PRELID3A: variants seen among roughly 807,000 people sequenced by gnomAD.
PRELID3A encodes PRELI domain containing 3A.
A neutral mutation model predicts 23.0 loss-of-function variants in PRELID3A; 27 were observed. The ratio of observed to expected loss-of-function variants is 1.17; its 90% CI spans 0.87 to 1.62. PRELID3A has a LOEUF of 1.62. PRELID3A is among the 40% of genes most tolerant of loss of function. The probability of loss-of-function intolerance (pLI) is 0.00; values close to 1 mark genes in which losing one functional copy is unlikely to be tolerated. For missense variants in PRELID3A, 231 were observed against 231.4 expected, an observed-to-expected ratio of 1.00 and a Z score of 0.01; for synonymous variants, 87 against 86.4, an observed-to-expected ratio of 1.01 and a Z score of -0.04.
chr18:12,414,160 G>A (rs762895072), intron 1 of PRELID3A, among the ~76,000 whole-genome samples: 4 of 151,876 alleles, frequency 2.6e-5, no homozygotes, highest in Non-Finnish European at 5.9e-5. Context: ...GACTTGGGCC[G>A]CAGCAGCAGA....
chr18:12,421,546 G>C lies in PRELID3A; in HGVS notation c.208G>C (p.Gly70Arg). The C allele has an allele frequency of 6.2e-7, 1 of 1,611,012 alleles. No individual in the cohort carries two copies. Among genetic ancestry groups the C allele is most frequent in the Non-Finnish European group, 8.5e-7 (1 of 1,177,338 alleles). Residue 70 changes from glycine to arginine, a missense_variant, in exon 3 of 7, where the codon GGA becomes CGA. Physicochemically the swap from Gly to Arg is moderately radical, Grantham distance 125. Coordinates refer to ENST00000440960, the MANE Select transcript of PRELID3A (RefSeq NM_001142405.2). ...GTTTTGCTTTGTTTTCTAGATTTTG[G>C]GAACCAGTAGGACATTGACATACAT... ...GLPSLVRAIL[G>R]TSRTLTYIRE...
At chr18:12,430,212 C>T (rs2030523456) in intron 6 of PRELID3A, among the ~76,000 whole-genome samples, 1 of 152,230 alleles carries the variant, frequency 6.6e-6, no homozygotes, top group South Asian at 2.1e-4. Context: ...TCCTTCATGG[C>T]CGCACCCTGA....
At chr18:12,427,430 C>T in intron 5 of PRELID3A, 107 bp downstream of exon 5, 2 of 893,574 alleles carry the variant, frequency 2.2e-6, no homozygotes, top group Middle Eastern at 2.6e-4. Context: ...GGCATGGTGG[C>T]TCATGTCTGT....
intron 3 of PRELID3A, among the ~76,000 whole-genome samples, chr18:12,426,536 A>G (rs2030383235): frequency 9.1e-6 from 1 of 110,158 alleles, no homozygotes; most frequent in Admixed American, 1.2e-4. Context: ...CCTGGGCTAC[A>G]CAGTGAGACT....
chr18:12,429,364 C>T lies in PRELID3A; in HGVS notation c.480C>T (p.Ile160=), dbSNP rs143717130. The change falls in exon 6 of 7, where the codon ATC becomes ATT. Residue 160 remains isoleucine, a synonymous_variant. Transcript: ENST00000440960. The stretch of plus-strand genomic sequence containing the variant: ...CTGTGTTGCAGGGGTGGGCTGCTAT[C>T]GAGTGGATAATTGAACACTCTGAAA... ...SSNAKKGWAA[I]EWIIEHSESA... is the part of the protein sequence containing the mutation. 45 of 1,613,710 alleles carry T rather than the reference C, an allele frequency of 2.8e-5. No individual in the cohort carries two copies. Among genetic ancestry groups the T allele is most frequent in the East Asian group, 2.0e-4 (9 of 44,864 alleles).
At chr18:12,414,322 G>A (rs914136327) in intron 1 of PRELID3A, among the ~76,000 whole-genome samples, 1 of 152,204 alleles carries the variant, frequency 6.6e-6, no homozygotes. Flanking sequence ...CAGCAGTGAG[G>A]ACTGCGGTGA....
chr18:12,421,509 T>C (rs1363546072), intron 2 of PRELID3A, 31 bp from the exon 3 acceptor site: 3 of 1,357,924 alleles, frequency 2.2e-6, no homozygotes, highest in Non-Finnish European at 3.2e-6. Context: ...TTTTTAACGT[T>C]CCACTATGCT....
At chr18:12,421,499 T>C (rs2030180194) in intron 2 of PRELID3A, 41 bp from the exon 3 acceptor site, 2 of 1,258,318 alleles carry the variant, frequency 1.6e-6, no homozygotes, top group Admixed American at 3.4e-5. Flanking sequence ...TGAAGTAGAA[T>C]TTTTAACGTT....
At chr18:12,428,690 G>C (rs2030455715) in intron 5 of PRELID3A, among the ~76,000 whole-genome samples, 1 of 152,212 alleles carries the variant, frequency 6.6e-6, no homozygotes. Flanking sequence ...GGCAGCGAAG[G>C]CCAAAGGGGG....
chr18:12,412,179 G>A (rs1262092598), intron 1 of PRELID3A, among the ~76,000 whole-genome samples: 1 of 142,064 alleles, frequency 7.0e-6, no homozygotes, highest in Non-Finnish European at 1.5e-5. Flanking sequence ...CATGAGCCAC[G>A]GCGCCCGGCC....
At chr18:12,421,209 A>G (rs2030170392) in intron 2 of PRELID3A, 2 of 280,170 alleles carry the variant, frequency 7.1e-6, no homozygotes, top group South Asian at 5.3e-5. Flanking sequence ...CCCCCACCCC[A>G]GCACTATGGT....
At chr18:12,417,475 T>C (rs1474345724) in intron 1 of PRELID3A, among the ~76,000 whole-genome samples, 2 of 152,138 alleles carry the variant, frequency 1.3e-5, no homozygotes, top group Admixed American at 6.6e-5. Context: ...CATCCAGCCC[T>C]AAGATGCAAG....
chr18:12,428,127 T>C (rs2030438307), intron 5 of PRELID3A, among the ~76,000 whole-genome samples: 1 of 152,318 alleles, frequency 6.6e-6, no homozygotes, highest in South Asian at 2.1e-4. Flanking sequence ...AGCTCCTCTC[T>C]GGCAGGATTT....
intron 1 of PRELID3A, among the ~76,000 whole-genome samples, chr18:12,408,928 C>T (rs1351014692): frequency 6.6e-6 from 1 of 152,132 alleles, no homozygotes; most frequent in Non-Finnish European, 1.5e-5. Context: ...AAAAAGTGCC[C>T]TCCTAACCTA....
intron 1 of PRELID3A, among the ~76,000 whole-genome samples, chr18:12,419,314 A>G (rs2030063973): frequency 8.1e-6 from 1 of 123,526 alleles, no homozygotes; most frequent in Non-Finnish European, 1.6e-5. Context: ...TGACAGAGCG[A>G]GACTCCATAT....
At position 12,427,109 on chromosome 18, in the gene PRELID3A, AATGTGAGTC is replaced by A; in HGVS notation, c.362+1_362+9del. 1 of 1,612,522 alleles carries A rather than the reference AATGTGAGTC, an allele frequency of 6.2e-7. No individual in the cohort carries two copies. Among genetic ancestry groups the A allele is most frequent in the Non-Finnish European group, 8.5e-7 (1 of 1,178,542 alleles). On this transcript the variant is annotated splice_donor_variant and splice_donor_5th_base_variant and coding_sequence_variant and intron_variant, in exon 4 of 7. Coordinates refer to ENST00000440960, the MANE Select transcript of PRELID3A (RefSeq NM_001142405.2). LOFTEE classifies it high-confidence loss of function. ...ACACACCTCATCCAGAGAACCCAGA[AATGTGAGTC>A]ATCTCCTGTGGGATTGACACATTGA...
intron 3 of PRELID3A, among the ~76,000 whole-genome samples, chr18:12,425,930 A>G (rs1423997616): frequency 6.6e-6 from 1 of 151,588 alleles, no homozygotes; most frequent in Non-Finnish European, 1.5e-5. Context: ...ACAGAACAAG[A>G]CTCTGTCTCA....
chr18:12,421,579 C>T lies in PRELID3A; in HGVS notation c.241C>T (p.His81Tyr), dbSNP rs886787204. 2 of 1,613,716 alleles carry T rather than the reference C, an allele frequency of 1.2e-6. No individual in the cohort carries two copies. The highest frequency in any genetic ancestry group is 1.3e-5 in the African/African-American group (1 of 74,888). Residue 81 changes from histidine to tyrosine, a missense_variant, in exon 3 of 7, where the codon CAT becomes TAT. Physicochemically the swap from His to Tyr is moderately conservative, Grantham distance 83. Coordinates refer to ENST00000440960, the MANE Select transcript of PRELID3A (RefSeq NM_001142405.2). ...TAGGACATTGACATACATCCGAGAA[C>T]ATTCTGTGGTGGATCCAGTGGAAAA... is the stretch of plus-strand genomic sequence containing the variant. The part of the protein sequence containing the change: ...TSRTLTYIRE[H>Y]SVVDPVEKKM...
At chr18:12,430,636 T>C (rs560765468) in intron 6 of PRELID3A, among the ~76,000 whole-genome samples, 6 of 149,280 alleles carry the variant, frequency 4.0e-5, no homozygotes, top group African/African-American at 1.5e-4. Context: ...GATGTGTATA[T>C]GTGTGTGGTA....
Sources: gnomAD v4.1 joint callset for allele counts (sites outside exome capture counted in the v4.1 genomes callset) on GRCh38, gnomAD v4.1.1 for gene constraint, MANE v1.5 for transcripts, NCBI Gene and HGNC (gene_info 2026-07-23, HGNC 2026-07-21) for gene names.